The following MRPS28 variants were observed in gnomAD, a reference collection of about 807,000 sequenced individuals.
MRPS28 encodes the protein mitochondrial ribosomal protein S28, also known as small ribosomal subunit protein bS1m.
MRPS28 carries 7 observed loss-of-function variants against 10.8 expected under a neutral mutation model. That is an observed-to-expected ratio of 0.65 (90% confidence interval 0.37 to 1.22). The LOEUF is 1.22. Ranked by LOEUF, MRPS28 falls within the 50% of genes most tolerant of loss-of-function variation. The pLI is 0.02. For synonymous variants in MRPS28, 121 were observed against 93.3 expected (o/e 1.30, Z -1.71); for missense variants, 265 against 232.9 (o/e 1.14, Z -0.90).
At chr8:79,937,391 G>C (rs986562367) in intron 2 of MRPS28, among the ~76,000 whole-genome samples, 1 of 152,156 alleles carries the variant, frequency 6.6e-6, no homozygotes, top group Non-Finnish European at 1.5e-5. Context: ...TAATTTGAGC[G>C]ACTGGGGGCA....
At chr8:80,022,843 G>A (rs990428443) in intron 1 of MRPS28, among the ~76,000 whole-genome samples, 10 of 152,192 alleles carry the variant, frequency 6.6e-5, no homozygotes, top group African/African-American at 1.2e-4. Context: ...AAATTTCTGA[G>A]TAAAAATGAG....
intron 2 of MRPS28, among the ~76,000 whole-genome samples, chr8:79,945,809 A>G (rs1004145408): frequency 2.6e-5 from 4 of 152,236 alleles, no homozygotes; most frequent in African/African-American, 9.6e-5. Flanking sequence ...AGAAAATAAA[A>G]GGGTAAGCAA....
intron 1 of MRPS28, among the ~76,000 whole-genome samples, chr8:80,016,299 G>A (rs546539998): frequency 9.9e-5 from 15 of 152,058 alleles, no homozygotes; most frequent in Non-Finnish European, 2.1e-4. Context: ...GAAGCTTGGG[G>A]GGAAAACAGC....
intron 2 of MRPS28, among the ~76,000 whole-genome samples, chr8:79,984,240 C>T (rs1808075087): frequency 6.6e-6 from 1 of 152,138 alleles, no homozygotes; most frequent in Non-Finnish European, 1.5e-5. Flanking sequence ...ATTTTGTCAC[C>T]ACCAGGCCTG....
chr8:79,919,387 CG>C (rs1810009483), intron 2 of MRPS28, among the ~76,000 whole-genome samples: 1 of 151,800 alleles, frequency 6.6e-6, no homozygotes, highest in Admixed American at 6.6e-5. Context: ...GTTACCCAGG[CG>C]GGAGTACAGT....
intron 2 of MRPS28, among the ~76,000 whole-genome samples, chr8:79,960,054 G>C (rs1428147403): frequency 1.3e-5 from 2 of 152,100 alleles, no homozygotes; most frequent in Non-Finnish European, 1.5e-5. Flanking sequence ...GTCTCAGAGA[G>C]ACCACAGGGC....
chr8:79,922,787 T>G (rs1810129713), intron 2 of MRPS28, among the ~76,000 whole-genome samples: 1 of 152,060 alleles, frequency 6.6e-6, no homozygotes, highest in Non-Finnish European at 1.5e-5. Flanking sequence ...GTGGAAGTAC[T>G]GCTGGTTAAA....
At chr8:79,985,234 A>G (rs1410507294) in intron 2 of MRPS28, among the ~76,000 whole-genome samples, 1 of 152,246 alleles carries the variant, frequency 6.6e-6, no homozygotes, top group Non-Finnish European at 1.5e-5. Context: ...CAACAAGAAC[A>G]AAGACACAAC....
intron 2 of MRPS28, among the ~76,000 whole-genome samples, chr8:79,988,587 A>G (rs1181293524): frequency 6.6e-6 from 1 of 152,182 alleles, no homozygotes; most frequent in South Asian, 2.1e-4. Flanking sequence ...TTCCTAATAT[A>G]TTCAATAAAA....
chr8:79,982,384 T>C (rs192411882), intron 2 of MRPS28, among the ~76,000 whole-genome samples: 1 of 152,322 alleles, frequency 6.6e-6, no homozygotes, highest in Non-Finnish European at 1.5e-5. Context: ...ACTGGGTTCA[T>C]CTCACTGGGG....
chr8:80,025,847 C>T (rs1444645938), intron 1 of MRPS28, among the ~76,000 whole-genome samples: 1 of 152,174 alleles, frequency 6.6e-6, no homozygotes, highest in Non-Finnish European at 1.5e-5. Context: ...GATTGCATGA[C>T]TGCAGAATTT....
chr8:79,920,388 C>G (rs1810057487), intron 2 of MRPS28, among the ~76,000 whole-genome samples: 1 of 152,138 alleles, frequency 6.6e-6, no homozygotes, highest in African/African-American at 2.4e-5. Context: ...AATGGTTGAA[C>G]TAGTTTACAG....
chr8:79,984,068 C>T (rs147664509), intron 2 of MRPS28, among the ~76,000 whole-genome samples: 8,991 of 151,992 alleles, frequency 0.059, 751 homozygotes, highest in African/African-American at 0.18. Flanking sequence ...AGACTAACAG[C>T]GGATCTCTTG....
intron 2 of MRPS28, among the ~76,000 whole-genome samples, chr8:79,949,603 A>G (rs1463101577): frequency 6.6e-6 from 1 of 152,198 alleles, no homozygotes; most frequent in Non-Finnish European, 1.5e-5. Context: ...GATATCTCCT[A>G]TAATCAGATA....
chr8:79,981,218 T>C (rs1807944191), intron 2 of MRPS28, among the ~76,000 whole-genome samples: 1 of 152,116 alleles, frequency 6.6e-6, no homozygotes, highest in South Asian at 2.1e-4. Context: ...TAGTCCCAGC[T>C]ACTTGCAGGG....
chr8:79,980,603 T>A (rs901047224), intron 2 of MRPS28, among the ~76,000 whole-genome samples: 1 of 152,216 alleles, frequency 6.6e-6, no homozygotes, highest in Admixed American at 6.5e-5. Flanking sequence ...GTTAACTTCA[T>A]CCCTTTGTAA....
chr8:80,029,914 G>A, intron 1 of MRPS28, 122 bp downstream of exon 1: 3 of 1,536,208 alleles, frequency 2.0e-6, no homozygotes, highest in East Asian at 2.4e-5. Context: ...CCGCAACTCC[G>A]GAAAACTGGG....
intron 2 of MRPS28, among the ~76,000 whole-genome samples, chr8:79,925,140 G>A (rs1810197989): frequency 6.6e-6 from 1 of 151,398 alleles, no homozygotes; most frequent in Admixed American, 6.6e-5. Flanking sequence ...CACATCTTAA[G>A]TCCTAATTTA....
chr8:79,920,615 C>T (rs530380430), intron 2 of MRPS28, among the ~76,000 whole-genome samples: 2 of 152,280 alleles, frequency 1.3e-5, no homozygotes, highest in South Asian at 4.1e-4. Flanking sequence ...TGTTCATATC[C>T]TTCATCCACT....
Sources: allele counts gnomAD v4.1 joint callset (sites outside exome capture counted in the v4.1 genomes callset), GRCh38; gene constraint gnomAD v4.1.1; transcripts MANE v1.5; gene names NCBI Gene and HGNC (gene_info 2026-07-23, HGNC 2026-07-21).